Variants in GNG12 observed in about 807,000 individuals in gnomAD.
GNG12 encodes G protein subunit gamma 12.
For missense variants in GNG12, 69 were observed against 83.8 expected (o/e 0.82, Z 0.69); for synonymous variants, 28 against 29.7 (o/e 0.94, Z 0.19).
chr1:67,717,317 C>T (rs1186596768), intron 2 of GNG12, among the ~76,000 whole-genome samples: 1 of 151,992 alleles, frequency 6.6e-6, no homozygotes, highest in African/African-American at 2.4e-5. Context: ...GGAGTTGAGA[C>T]CAGCCTGCCC....
chr1:67,788,662 A>G (rs1488596886), intron 1 of GNG12, among the ~76,000 whole-genome samples: 1 of 152,148 alleles, frequency 6.6e-6, no homozygotes, highest in Non-Finnish European at 1.5e-5. Flanking sequence ...TTGACATTGA[A>G]AATCTTCCTA....
chr1:67,827,374 C>T (rs1331095970), intron 1 of GNG12, among the ~76,000 whole-genome samples: 7 of 152,122 alleles, frequency 4.6e-5, no homozygotes. Flanking sequence ...TAGATACTAA[C>T]CCTCTGGCAG....
At chr1:67,767,616 TA>T (rs931157924) in intron 2 of GNG12, among the ~76,000 whole-genome samples, 11 of 152,196 alleles carry the variant, frequency 7.2e-5, no homozygotes, top group African/African-American at 2.7e-4. Context: ...GACAGCAAAA[TA>T]AAGTGACCTC....
intron 2 of GNG12, among the ~76,000 whole-genome samples, chr1:67,723,436 C>A (rs758926959): frequency 6.6e-6 from 1 of 152,134 alleles, no homozygotes; most frequent in Non-Finnish European, 1.5e-5. Flanking sequence ...ACATATTATA[C>A]CAAGAAAACA....
chr1:67,766,621 T>TC (rs201861308), intron 2 of GNG12, among the ~76,000 whole-genome samples: 2 of 149,996 alleles, frequency 1.3e-5, no homozygotes, highest in Non-Finnish European at 3.0e-5. Context: ...TTTTTTTTTT[T>TC]CCAGGAGAAT....
chr1:67,817,913 A>G (rs1284876519), intron 1 of GNG12, among the ~76,000 whole-genome samples: 2 of 150,584 alleles, frequency 1.3e-5, no homozygotes, highest in African/African-American at 4.9e-5. Flanking sequence ...CAGCCTCCTG[A>G]GTAGCTAGGA....
In GNG12 at chr1:67,705,474, T is replaced by C; in HGVS notation, c.196A>G (p.Lys66Glu). 1 of 1,614,092 alleles carries C rather than the reference T, an allele frequency of 6.2e-7. No homozygotes were observed. Among genetic ancestry groups the C allele is most frequent in the Non-Finnish European group, 8.5e-7 (1 of 1,180,000 alleles). ...IPTSENPFKD[K>E]KTCIIL Reference sequence around the variant, plus strand: ...CACTATAAGATGATGCAAGTTTTTTTATCCTTGAAAGGGTTTTCTGAAGTT... The same window carrying C: ...CACTATAAGATGATGCAAGTTTTTTCATCCTTGAAAGGGTTTTCTGAAGTT... Residue 66 changes from lysine to glutamate, a missense_variant, in exon 4 of 4, where the codon AAA becomes GAA. Coordinates refer to ENST00000370982, the MANE Select transcript of GNG12 (RefSeq NM_018841.6).
intron 2 of GNG12, among the ~76,000 whole-genome samples, chr1:67,727,819 A>C (rs1646395541): frequency 6.6e-6 from 1 of 152,196 alleles, no homozygotes; most frequent in Non-Finnish European, 1.5e-5. Context: ...TTTTATTTGC[A>C]TTTCTACTTG....
intron 1 of GNG12, among the ~76,000 whole-genome samples, chr1:67,828,355 A>T (rs1476189629): frequency 6.6e-6 from 1 of 152,186 alleles, no homozygotes; most frequent in Non-Finnish European, 1.5e-5. Context: ...CTGACTCCAT[A>T]AAGCCCACTT....
At chr1:67,766,351 C>G (rs1273792526) in intron 2 of GNG12, among the ~76,000 whole-genome samples, 1 of 151,850 alleles carries the variant, frequency 6.6e-6, no homozygotes, top group Non-Finnish European at 1.5e-5. Flanking sequence ...GATTTTCGCA[C>G]AGTGCTAGAA....
intron 2 of GNG12, among the ~76,000 whole-genome samples, chr1:67,764,906 A>G (rs534867170): frequency 6.6e-6 from 1 of 152,332 alleles, no homozygotes; most frequent in East Asian, 1.9e-4. Flanking sequence ...TCGTCCAGGA[A>G]CTAGACCTGG....
intron 2 of GNG12, among the ~76,000 whole-genome samples, chr1:67,734,514 G>A (rs376480324): frequency 2.0e-5 from 3 of 152,200 alleles, no homozygotes; most frequent in African/African-American, 7.2e-5. Flanking sequence ...CACAGATGGG[G>A]GAAGTGAAGC....
intron 1 of GNG12, among the ~76,000 whole-genome samples, chr1:67,784,416 T>C (rs937892880): frequency 2.6e-5 from 4 of 151,574 alleles, no homozygotes; most frequent in Non-Finnish European, 4.4e-5. Context: ...TGTATACATA[T>C]GTAACTAACC....
intron 2 of GNG12, among the ~76,000 whole-genome samples, chr1:67,758,231 C>T (rs1454262898): frequency 6.6e-6 from 1 of 152,214 alleles, no homozygotes; most frequent in Non-Finnish European, 1.5e-5. Context: ...GCCTAGGCTT[C>T]CCAAAGTATT....
chr1:67,760,464 C>T (rs1184699008), intron 2 of GNG12, among the ~76,000 whole-genome samples: 1 of 152,204 alleles, frequency 6.6e-6, no homozygotes, highest in East Asian at 1.9e-4. Flanking sequence ...GGAGCACAAA[C>T]ATGGGTTGCC....
Position 67,748,371 on chromosome 1 carries a change from A to G in GNG12, c.-27+29087T>C, listed in dbSNP as rs189964297. 1.1e-4 allele frequency among the ~76,000 whole-genome samples: 17 copies of G among 152,348 alleles called. No homozygotes were observed. The Middle Eastern group carries it at 0.01, about 91-fold the overall frequency. ...CAAAAATCAGAGTAGTCCTGAAACC[A>G]TACCATAGGCTACTGGGAAGATGTA... On this transcript the variant is annotated intron_variant, in intron 2 of 3. Transcript: ENST00000370982.
chr1:67,781,630 T>C (rs535527044), intron 1 of GNG12, among the ~76,000 whole-genome samples: 1 of 152,278 alleles, frequency 6.6e-6, no homozygotes, highest in South Asian at 2.1e-4. Flanking sequence ...GGAGGAGTAT[T>C]GAAGAGGCAA....
At chr1:67,801,972 A>T (rs1646868533) in intron 1 of GNG12, among the ~76,000 whole-genome samples, 1 of 152,008 alleles carries the variant, frequency 6.6e-6, no homozygotes, top group African/African-American at 2.4e-5. Context: ...AGGAAGAAAA[A>T]GGAGGGAGGT....
intron 1 of GNG12, chr1:67,832,438 TGA>T (rs1196444916): frequency 6.6e-6 from 1 of 152,012 alleles, no homozygotes; most frequent in Admixed American, 6.6e-5. Flanking sequence ...TTCCTTATCG[TGA>T]GTTATGAATG....
Sources: allele counts gnomAD v4.1 joint callset (sites outside exome capture counted in the v4.1 genomes callset), GRCh38; gene constraint gnomAD v4.1.1; transcripts MANE v1.5; gene names NCBI Gene and HGNC (gene_info 2026-07-23, HGNC 2026-07-21).